The following TNFSF15 variants were observed in gnomAD, a reference collection of about 807,000 sequenced individuals.
TNFSF15 encodes TNF superfamily member 15, also known as tumor necrosis factor ligand superfamily member 15.
A neutral mutation model predicts 26.4 loss-of-function variants in TNFSF15; 15 were observed. The ratio of observed to expected loss-of-function variants is 0.57; its 90% confidence interval spans 0.38 to 0.87. The LOEUF (loss-of-function observed/expected upper bound fraction) is 0.87. Ranked by LOEUF, TNFSF15 falls within the 40% of genes least tolerant of loss-of-function variation. The pLI is 0.00. For synonymous variants in TNFSF15, 116 were observed against 115.0 expected (o/e 1.01, Z -0.06); for missense variants, 290 against 306.1 (o/e 0.95, Z 0.39).
intron 2 of TNFSF15, 152 bp downstream of exon 2, chr9:114,793,374 G>T: frequency 2.3e-6 from 2 of 871,090 alleles, no homozygotes; most frequent in Non-Finnish European, 3.6e-6. Context: ...CCTTCTTAGT[G>T]CCTGCAGCAG....
At chr9:114,805,542 C>T (rs1342866799) in intron 1 of TNFSF15, among the ~76,000 whole-genome samples, 3 of 152,004 alleles carry the variant, frequency 2.0e-5, no homozygotes, top group African/African-American at 7.3e-5. Flanking sequence ...TACCAGTATA[C>T]TATGATTATA....
In TNFSF15 at chr9:114,790,322, A is replaced by G; in HGVS notation, c.*130T>C. On this transcript the variant is annotated 3_prime_UTR_variant, in exon 4 of 4. Coordinates refer to ENST00000374045, the MANE Select transcript of TNFSF15 (RefSeq NM_005118.4). ...ATTTTGGGCCCCAAATTTCATAGCT[A>G]AACCGTTGTCCCTGTGGAATGCCCC... 1.1e-6 allele frequency: 1 copy of G among 920,132 alleles called. No individual in the cohort carries two copies. The highest frequency in any genetic ancestry group is 1.6e-6 in the Non-Finnish European group (1 of 610,910). 57.0% of individuals were successfully genotyped at this position (920,132 alleles called of 1,614,324 possible).
At chr9:114,792,633 C>A in intron 2 of TNFSF15, 179 bp from the exon 3 acceptor site, 1 of 1,406,328 alleles carries the variant, frequency 7.1e-7, no homozygotes, top group Non-Finnish European at 9.5e-7. Context: ...CAAGCACCAC[C>A]AAGGACAGGG....
chr9:114,802,360 A>G (rs930876507), intron 1 of TNFSF15, among the ~76,000 whole-genome samples: 3 of 151,942 alleles, frequency 2.0e-5, no homozygotes, highest in Non-Finnish European at 4.4e-5. Context: ...TCAAGTGATT[A>G]TCCTGACTCA....
rs1413379811 is a variant in TNFSF15, at chr9:114,786,679, G to A, written c.*3773C>T. Reference sequence around the variant, plus strand: ...TGTAATCCCAGCACTTTGGAAGGCTGAGGCGGGCGGATCACGAGGTCAGGA... The same window carrying A: ...TGTAATCCCAGCACTTTGGAAGGCTAAGGCGGGCGGATCACGAGGTCAGGA... On this transcript the variant is annotated 3_prime_UTR_variant, in exon 4 of 4. Coordinates refer to ENST00000374045, the MANE Select transcript of TNFSF15 (RefSeq NM_005118.4). 3 of 152,104 alleles carry A rather than the reference G, an allele frequency of 2.0e-5. No homozygotes were observed. Among genetic ancestry groups the A allele is most frequent in the African/African-American group, 4.8e-5 (2 of 41,410 alleles). 9.4% of individuals were successfully genotyped at this position (152,104 alleles called of 1,614,324 possible). A position where few individuals can be genotyped will look rare whatever the true frequency, so the allele number is the denominator to read the frequency against.
At position 114,787,676 on chromosome 9, in the gene TNFSF15, A is replaced by G. The variant is rs1829529331; in HGVS notation, c.*2776T>C. ...CCCACCTCACTTTTGAAAACAGTGC[A>G]CTAATTTTTGCTATGGAGATAATGC... On this transcript the variant is annotated 3_prime_UTR_variant, in exon 4 of 4. Transcript: ENST00000374045. 1 of 153,674 alleles carries G rather than the reference A, an allele frequency of 6.5e-6. No individual in the cohort carries two copies. Among genetic ancestry groups the G allele is most frequent in the Non-Finnish European group, 1.5e-5 (1 of 68,048 alleles). 9.5% of individuals were successfully genotyped at this position (153,674 alleles called of 1,614,324 possible). A position where few individuals can be genotyped will look rare whatever the true frequency, so the allele number is the denominator to read the frequency against.
chr9:114,795,881 A>G (rs1829666767), intron 1 of TNFSF15, among the ~76,000 whole-genome samples: 1 of 152,142 alleles, frequency 6.6e-6, no homozygotes, highest in Non-Finnish European at 1.5e-5. Flanking sequence ...TGCTGAGTCT[A>G]GGTCTGTGAG....
At chr9:114,792,094 T>C (rs938491969) in intron 3 of TNFSF15, 1 of 317,572 alleles carries the variant, frequency 3.1e-6, no homozygotes, top group African/African-American at 2.2e-5. Context: ...AAACCCTCCA[T>C]GAGATACCTG....
intron 1 of TNFSF15, among the ~76,000 whole-genome samples, chr9:114,804,371 A>G (rs1005193219): frequency 1.1e-4 from 17 of 152,104 alleles, no homozygotes; most frequent in African/African-American, 4.1e-4. Context: ...GGTCTGTAAC[A>G]TTCTGCTTGC....
In TNFSF15 at chr9:114,805,917, G is replaced by A. The variant is rs151028307; in HGVS notation, c.96C>T (p.Ser32=). The change falls in exon 1 of 4, where the codon AGC becomes AGT. Residue 32 remains serine, a synonymous_variant. Transcript: ENST00000374045. ...GSCRPKARSS[S]ARWALTCCLV... The stretch of plus-strand genomic sequence containing the variant: ...GGCAGCAGGTGAGAGCCCAGCGTGC[G>A]CTGCTGCTCCTGGCCTTGGGCCTGC... 81 of 1,613,972 alleles carry A rather than the reference G, an allele frequency of 5.0e-5. No homozygotes were observed. The African/African-American group carries it at 5.3e-4, about 11-fold the overall frequency.
intron 1 of TNFSF15, among the ~76,000 whole-genome samples, chr9:114,799,884 G>C (rs987723294): frequency 1.3e-5 from 2 of 152,152 alleles, no homozygotes; most frequent in African/African-American, 2.4e-5. Flanking sequence ...CACTGCCTCT[G>C]GTTTCCCTTC....
In TNFSF15 at chr9:114,790,644, G is replaced by T. The variant is rs764624230; in HGVS notation, c.564C>A (p.Tyr188Ter). 6.2e-7 allele frequency: 1 copy of T among 1,614,064 alleles called. No individual in the cohort carries two copies. The highest frequency in any genetic ancestry group is 1.1e-5 in the South Asian group (1 of 91,066). ...CCATGAGGAGCTGGGTTGGCTCAGG[G>T]TAGCTGTCTGTTACCTTGGTGATGA... ...TVVITKVTDS[Y>*]PEPTQLLMGT... is the part of the protein sequence containing the mutation. Residue 188 changes from tyrosine to a stop codon, truncating the protein, a stop_gained, in exon 4 of 4, where the codon TAC (tyrosine) becomes TAA (stop). Transcript: ENST00000374045. LOFTEE classifies it high-confidence loss of function.
At chr9:114,791,790 T>G (rs1564344533) in intron 3 of TNFSF15, 1 of 167,856 alleles carries the variant, frequency 6.0e-6, no homozygotes, top group African/African-American at 2.4e-5. Context: ...TTGATTTCTA[T>G]ATATCGATGA....
At chr9:114,797,576 C>A (rs1829688022) in intron 1 of TNFSF15, among the ~76,000 whole-genome samples, 1 of 152,208 alleles carries the variant, frequency 6.6e-6, no homozygotes, top group Non-Finnish European at 1.5e-5. Context: ...AAGGTTTATG[C>A]ATTACAGCTG....
Position 114,788,454 on chromosome 9 carries a change from C to G in TNFSF15, c.*1998G>C, listed in dbSNP as rs994836414. On this transcript the variant is annotated 3_prime_UTR_variant, in exon 4 of 4. Coordinates refer to ENST00000374045, the MANE Select transcript of TNFSF15 (RefSeq NM_005118.4). ...CAGAGGTTAGAAAATATATTTAGAG[C>G]CTTAACCTCCAAACTGAGAAATCAG... The G allele has an allele frequency of 1.2e-4, 19 of 153,056 alleles. No individual in the cohort carries two copies. Among genetic ancestry groups the G allele is most frequent in the African/African-American group, 4.6e-4 (19 of 41,558 alleles). The allele number at this position is 153,056 out of a possible 1,614,324, so 9.5% of individuals were successfully genotyped here.
intron 2 of TNFSF15, 87 bp downstream of exon 2, chr9:114,793,439 G>A: frequency 1.4e-6 from 2 of 1,476,932 alleles, no homozygotes; most frequent in Non-Finnish European, 1.9e-6. Context: ...TGTACTTAAA[G>A]ACTCATCTCT....
rs1260627869 is a variant in TNFSF15 at position 114,786,100 on chromosome 9, A to AAGGCTTATT, written c.*4343_*4351dup. On this transcript the variant is annotated 3_prime_UTR_variant, in exon 4 of 4. Transcript: ENST00000374045. ...TCTCACCACTGGTGCAAAAGGATTCAAGGCTTATTAGGTTAACAGTCTACT... is the reference window on the plus strand; with the variant it reads ...TCTCACCACTGGTGCAAAAGGATTCAAGGCTTATTAGGCTTATTAGGTTAACAGTCTACT... The AAGGCTTATT allele has an allele frequency of 6.6e-6, 1 of 152,276 alleles. No homozygotes were observed. The highest frequency in any genetic ancestry group is 1.5e-5 in the Non-Finnish European group (1 of 68,042). The allele number at this position is 152,276 out of a possible 1,614,324, so 9.4% of individuals were successfully genotyped here.
intron 2 of TNFSF15, 51 bp from the exon 3 acceptor site, chr9:114,792,505 TG>T (rs1483410847): frequency 6.2e-7 from 1 of 1,612,996 alleles, no homozygotes; most frequent in Non-Finnish European, 8.5e-7. Flanking sequence ...GTGACTGAAA[TG>T]AAGACGGCCC....
At chr9:114,797,491 GA>G (rs1829686804) in intron 1 of TNFSF15, among the ~76,000 whole-genome samples, 1 of 152,210 alleles carries the variant, frequency 6.6e-6, no homozygotes, top group Non-Finnish European at 1.5e-5. Context: ...ATCACAGGAG[GA>G]AAATTATTGT....
Sources: gnomAD v4.1 joint callset for allele counts (sites outside exome capture counted in the v4.1 genomes callset) on GRCh38, gnomAD v4.1.1 for gene constraint, MANE v1.5 for transcripts, NCBI Gene and HGNC (gene_info 2026-07-23, HGNC 2026-07-21) for gene names.